Variants in VPS26A observed in about 807,000 individuals in gnomAD.
VPS26A encodes the protein VPS26 retromer complex component A, also known as vacuolar protein sorting-associated protein 26A.
A neutral mutation model predicts 42.4 loss-of-function variants in VPS26A; 22 were observed. That is an observed-to-expected ratio of 0.52 (90% confidence interval 0.37 to 0.74). The LOEUF (loss-of-function observed/expected upper bound fraction) is 0.74, where lower values mean the gene tolerates loss of function less well. VPS26A is among the 30% of genes least tolerant of loss of function. VPS26A has a pLI of 0.00. For synonymous variants in VPS26A, 110 were observed against 123.5 expected (o/e 0.89, Z 0.73); for missense variants, 276 against 379.2 (o/e 0.73, Z 2.26).
At position 69,171,168 on chromosome 10, in the gene VPS26A, T is replaced by G; in HGVS notation, c.883T>G (p.Trp295Gly). Residue 295 changes from tryptophan (W) to glycine (G), a missense_variant, in exon 9 of 9, where the codon TGG becomes GGG. Physicochemically the swap from Trp to Gly is radical, Grantham distance 184. Transcript: ENST00000263559. ...ATTTGTTTACTAGGAGATAATTTTA[T>G]GGAGAAAAGCTCCTGAAAAACTGAG... is the stretch of plus-strand genomic sequence containing the variant. ...RYFKQQEIILWRKAPEKLRKQ... is the reference protein window; with the variant it reads ...RYFKQQEIILGRKAPEKLRKQ... 2 of 1,610,490 alleles carry G rather than the reference T, an allele frequency of 1.2e-6. No homozygotes were observed. The highest frequency in any genetic ancestry group is 8.5e-7 in the Non-Finnish European group (1 of 1,179,266).
At chr10:69,160,890 C>T (rs1167663727) in intron 5 of VPS26A, among the ~76,000 whole-genome samples, 1 of 152,166 alleles carries the variant, frequency 6.6e-6, no homozygotes, top group Non-Finnish European at 1.5e-5. Context: ...TGGTTATTAG[C>T]TATCACAACA....
At chr10:69,169,355 T>C (rs2132242535) in intron 8 of VPS26A, among the ~76,000 whole-genome samples, 1 of 152,246 alleles carries the variant, frequency 6.6e-6, no homozygotes, top group Non-Finnish European at 1.5e-5. Context: ...CGTACCACTG[T>C]GCCCTGCTGA....
intron 1 of VPS26A, among the ~76,000 whole-genome samples, chr10:69,128,051 G>T (rs1392022682): frequency 6.6e-6 from 1 of 150,744 alleles, no homozygotes; most frequent in African/African-American, 2.5e-5. Context: ...ATAGAGGATA[G>T]CACGTAGTTT....
At position 69,149,734 on chromosome 10, in the gene VPS26A, G is replaced by GTTTTTTTT. The variant is rs869048277; in HGVS notation, c.154-6055_154-6048dup. Among the ~76,000 whole-genome samples the GTTTTTTTT allele has an allele frequency of 5.7e-3, 121 of 21,330 alleles. 5 individuals carry two copies. The highest frequency in any genetic ancestry group is 0.01 in the East Asian group (10 of 996). The allele number at this position is 21,330 out of a possible 152,430, so 14.0% of individuals were successfully genotyped here. ...AATGTTAACTTTCTTGGTGTTTTTT[G>GTTTTTTTT]TTTTTTTTTTTTTTTTTTTTTTTTT... is the stretch of plus-strand genomic sequence containing the variant. On this transcript the variant is annotated intron_variant, in intron 2 of 8. Transcript: ENST00000263559.
chr10:69,151,968 C>G (rs1041583565), intron 2 of VPS26A, among the ~76,000 whole-genome samples: 14 of 151,646 alleles, frequency 9.2e-5, no homozygotes, highest in African/African-American at 3.2e-4. Context: ...TACTACTTTT[C>G]TTTCTTAAAT....
intron 5 of VPS26A, among the ~76,000 whole-genome samples, chr10:69,160,580 T>C (rs1564685351): frequency 6.6e-6 from 1 of 151,932 alleles, no homozygotes; most frequent in Non-Finnish European, 1.5e-5. Flanking sequence ...GCCTCCTGAG[T>C]AGCTGGGATG....
chr10:69,141,057 G>C (rs1016533716), intron 2 of VPS26A, among the ~76,000 whole-genome samples: 1 of 152,062 alleles, frequency 6.6e-6, no homozygotes, highest in Non-Finnish European at 1.5e-5. Context: ...TGTCTAGTTG[G>C]TCCATCTGTT....
intron 2 of VPS26A, among the ~76,000 whole-genome samples, chr10:69,152,594 T>C (rs1189574032): frequency 6.6e-6 from 1 of 152,240 alleles, no homozygotes; most frequent in African/African-American, 2.4e-5. Context: ...GACCTCTTTT[T>C]CTTGTTCCTT....
intron 5 of VPS26A, among the ~76,000 whole-genome samples, chr10:69,159,380 CAA>C (rs1344299906): frequency 1.1e-5 from 1 of 90,198 alleles, no homozygotes; most frequent in African/African-American, 4.3e-5. Context: ...GACTCCATCT[CAA>C]AAAAAAAAAC....
intron 2 of VPS26A, among the ~76,000 whole-genome samples, chr10:69,138,246 A>G (rs1840964539): frequency 6.6e-6 from 1 of 152,136 alleles, no homozygotes. Flanking sequence ...TGGCTATACC[A>G]CATTCTTGTT....
intron 2 of VPS26A, among the ~76,000 whole-genome samples, chr10:69,147,781 C>T (rs991861263): frequency 6.6e-6 from 1 of 152,122 alleles, no homozygotes; most frequent in Non-Finnish European, 1.5e-5. Flanking sequence ...GGCACAATCT[C>T]GGCTCACTGC....
intron 1 of VPS26A, among the ~76,000 whole-genome samples, chr10:69,124,669 C>T (rs1840611091): frequency 6.6e-6 from 1 of 152,216 alleles, no homozygotes; most frequent in Non-Finnish European, 1.5e-5. Flanking sequence ...TGGGGCGACC[C>T]GGGAGCCCCC....
At chr10:69,137,724 C>G (rs1840945674) in intron 2 of VPS26A, among the ~76,000 whole-genome samples, 2 of 152,102 alleles carry the variant, frequency 1.3e-5, no homozygotes, top group Non-Finnish European at 2.9e-5. Context: ...CACCCACACT[C>G]AAGAGGATTA....
intron 3 of VPS26A, among the ~76,000 whole-genome samples, chr10:69,156,774 G>T (rs1841437206): frequency 6.6e-6 from 1 of 151,454 alleles, no homozygotes; most frequent in South Asian, 2.1e-4. Context: ...TACATCAAAG[G>T]AATGAACTCA....
intron 1 of VPS26A, among the ~76,000 whole-genome samples, chr10:69,126,371 C>T (rs887630246): frequency 6.6e-6 from 1 of 152,010 alleles, no homozygotes; most frequent in Admixed American, 6.6e-5. Context: ...ACTCGGGAGG[C>T]GGAAGTTGCC....
At chr10:69,128,343 T>C (rs1331887564) in intron 1 of VPS26A, among the ~76,000 whole-genome samples, 1 of 151,642 alleles carries the variant, frequency 6.6e-6, no homozygotes, top group Non-Finnish European at 1.5e-5. Context: ...GCGATTCTGC[T>C]GCCTCAGCCT....
chr10:69,126,350 T>C (rs773663827), intron 1 of VPS26A, among the ~76,000 whole-genome samples: 6 of 152,144 alleles, frequency 3.9e-5, no homozygotes. Context: ...CGCATTGCTG[T>C]AGTCCCACCT....
chr10:69,130,915 T>C (rs1365456124), intron 1 of VPS26A, among the ~76,000 whole-genome samples: 1 of 152,248 alleles, frequency 6.6e-6, no homozygotes, highest in Non-Finnish European at 1.5e-5. Flanking sequence ...ATATACTAAA[T>C]TGCATATATC....
rs1051940918 is a variant in VPS26A, at chr10:69,133,613, A to G, written c.153+566A>G. ...TTTATGACGCCTTCTATAAGGTTTC[A>G]CTTTTTTCCCCTTTTCTTTATCCGG... is the stretch of plus-strand genomic sequence containing the variant. On this transcript the variant is annotated intron_variant, in intron 2 of 8. Coordinates refer to ENST00000263559, the MANE Select transcript of VPS26A (RefSeq NM_004896.5). 5.0e-5 allele frequency: 64 copies of G among 1,289,008 alleles called. 1 individual carries two copies. Among genetic ancestry groups the G allele is most frequent in the South Asian group, 4.7e-4 (38 of 80,998 alleles). The allele number at this position is 1,289,008 out of a possible 1,614,324, so 79.8% of individuals were successfully genotyped here.
Sources: gnomAD v4.1 joint callset for allele counts (sites outside exome capture counted in the v4.1 genomes callset) on GRCh38, gnomAD v4.1.1 for gene constraint, MANE v1.5 for transcripts, NCBI Gene and HGNC (gene_info 2026-07-23, HGNC 2026-07-21) for gene names.